ADGRL1: variants seen among roughly 807,000 people sequenced by gnomAD.
ADGRL1 encodes the protein adhesion G protein-coupled receptor L1.
Under a neutral mutation model 148.9 loss-of-function variants are expected in ADGRL1, and 31 were observed. The ratio of observed to expected loss-of-function variants is 0.21; its 90% confidence interval spans 0.16 to 0.28. The LOEUF (loss-of-function observed/expected upper bound fraction) is 0.28. Among genes scored for constraint, ADGRL1 ranks in the 10% least tolerant of loss-of-function variants. The pLI, the probability that ADGRL1 is intolerant of heterozygous loss-of-function variation, is 1.00. For missense variants in ADGRL1, 1,521 were observed against 2,058.8 expected, an observed-to-expected ratio of 0.74 and a Z score of 5.05; for synonymous variants, 937 against 900.3, an observed-to-expected ratio of 1.04 and a Z score of -0.73.
At chr19:14,156,800 C>T (rs2144668252) in intron 15 of ADGRL1, 76 bp from the exon 16 acceptor site, 1 of 1,529,258 alleles carries the variant, frequency 6.5e-7, no homozygotes, top group East Asian at 2.4e-5. Context: ...GCCTAGGACT[C>T]TGCAGGCTGC....
chr19:14,201,294 G>GTTTTTT (rs748016498), intron 1 of ADGRL1, among the ~76,000 whole-genome samples: 3 of 86,234 alleles, frequency 3.5e-5, no homozygotes, highest in South Asian at 3.6e-4. Flanking sequence ...GCTATTCTGA[G>GTTTTTT]TTTTTTTGTT....
chr19:14,163,080 C>G lies in ADGRL1; in HGVS notation c.721G>C (p.Glu241Gln). Residue 241 changes from glutamate (E) to glutamine (Q), a missense_variant, in exon 5 of 23, where the codon GAG becomes CAG. Glu to Gln is a conservative substitution (Grantham distance 29). Coordinates refer to ENST00000361434, the MANE Select transcript of ADGRL1 (RefSeq NM_014921.5). ...TAGTTGGCGGTATTGATGACCGTCT[C>G]CCCGCTCTTGATGCGCGTCCGTAGG... is the stretch of plus-strand genomic sequence containing the variant. Reference protein sequence around the residue: ...YDLRTRIKSGETVINTANYHD... With the variant: ...YDLRTRIKSGQTVINTANYHD... 1 of 1,614,098 alleles carries G rather than the reference C, an allele frequency of 6.2e-7. No homozygotes were observed. Among genetic ancestry groups the G allele is most frequent in the Non-Finnish European group, 8.5e-7 (1 of 1,179,998 alleles).
Position 14,158,339 on chromosome 19 carries a change from T to A in ADGRL1, c.2363A>T (p.Glu788Val). The part of the protein sequence containing the change: ...DPVIFTVAHL[E>V]DKNHFNANCS... ...AGGGAGGGGGACGGCTCAGCTCACCTCCAGGTGGGCCACGGTGAAGATGAC... is the reference window on the plus strand; with the variant it reads ...AGGGAGGGGGACGGCTCAGCTCACCACCAGGTGGGCCACGGTGAAGATGAC... The change falls in exon 12 of 23, where the codon GAG becomes GTG. Residue 788 changes from glutamate (E) to valine (V), a missense_variant and splice_region_variant. Glu to Val is a moderately radical substitution (Grantham distance 121). Around this residue, in one of 8 missense-constraint regions of ADGRL1, gnomAD observed 265 missense variants for 431.9 expected, o/e 0.61. Transcript: ENST00000361434. 6.2e-7 allele frequency: 1 copy of A among 1,613,258 alleles called. No individual in the cohort carries two copies. Among genetic ancestry groups the A allele is most frequent in the Non-Finnish European group, 8.5e-7 (1 of 1,179,940 alleles).
At chr19:14,167,064 A>C in intron 4 of ADGRL1, 9 of 1,575,394 alleles carry the variant, frequency 5.7e-6, no homozygotes, top group African/African-American at 1.4e-5. Context: ...AGAGAAAACA[A>C]ATTGAAAAAA....
intron 1 of ADGRL1, among the ~76,000 whole-genome samples, chr19:14,204,999 TGGCCAGGGATGG>T (rs555268609): frequency 1.3e-5 from 2 of 152,028 alleles, no homozygotes; most frequent in African/African-American, 4.8e-5. Flanking sequence ...AGTGAGGTGT[TGGCCAGGGATGG>T]GGCAGTGTGA....
chr19:14,151,136 C>T lies in ADGRL1; in HGVS notation c.4147G>A (p.Gly1383Arg), dbSNP rs759059027. The change falls in exon 23 of 23, where the codon GGG (glycine) becomes AGG (arginine). Residue 1383 changes from glycine to arginine, a missense_variant. By Grantham distance (125) the Gly-to-Arg change is moderately radical. Around this residue, in one of 8 missense-constraint regions of ADGRL1, gnomAD observed 390 missense variants for 375.0 expected, o/e 1.04. Transcript: ENST00000361434. The stretch of plus-strand genomic sequence containing the variant: ...GAGGGTGAGTCCCGCAGGTTGGCCC[C>T]GCTGGCATAGAGGGAGTCCCGGCCA... ...PPGRDSLYAS[G>R]ANLRDSPSYP... 23 of 1,591,962 alleles carry T rather than the reference C, an allele frequency of 1.4e-5. No homozygotes were observed. Among genetic ancestry groups the T allele is most frequent in the Middle Eastern group, 2.1e-4 (1 of 4,854 alleles).
chr19:14,168,435 C>CGTGTGTGT (rs145434293), intron 4 of ADGRL1, among the ~76,000 whole-genome samples: 1 of 151,874 alleles, frequency 6.6e-6, no homozygotes, highest in Non-Finnish European at 1.5e-5. Flanking sequence ...CATGTCTGCG[C>CGTGTGTGT]GTGTGTGTGT....
rs1380005537 is a variant in ADGRL1, at chr19:14,149,311, AG to A, written c.*1561del. 4 of 152,240 alleles carry A rather than the reference AG, an allele frequency of 2.6e-5. No homozygotes were observed. Among genetic ancestry groups the A allele is most frequent in the African/African-American group, 9.7e-5 (4 of 41,416 alleles). 9.4% of individuals were successfully genotyped at this position (152,240 alleles called of 1,614,324 possible). A position where few individuals can be genotyped will look rare whatever the true frequency, so the allele number is the denominator to read the frequency against. The stretch of plus-strand genomic sequence containing the variant: ...CTTCGTCTTCCCTGCGGGAAGGTGG[AG>A]GATAGGGAAGGTGATCTCTCACCTT... On this transcript the variant is annotated 3_prime_UTR_variant, in exon 23 of 23. Coordinates refer to ENST00000361434, the MANE Select transcript of ADGRL1 (RefSeq NM_014921.5).
rs753499467 is a variant in ADGRL1 at position 14,161,443 on chromosome 19, C to A, written c.1379G>T (p.Arg460Leu). Residue 460 changes from arginine to leucine, a missense_variant, in exon 6 of 23, where the codon CGG becomes CTG. This residue lies in a region of ADGRL1 where 270 missense variants were observed against 320.4 expected (regional missense o/e 0.84). Coordinates refer to ENST00000361434, the MANE Select transcript of ADGRL1 (RefSeq NM_014921.5). The surrounding 1 kb of genome is among the most constrained non-coding windows in gnomAD (Gnocchi z 4.4). The stretch of plus-strand genomic sequence containing the variant: ...GTGTAGATTCGGGGCTGGGGGCCGC[C>A]GGGTGCTGGGGACTGGGGCTGTGGC... Reference protein sequence around the residue: ...PPATAPVPSTRRPPAPNLHVS... With the variant: ...PPATAPVPSTLRPPAPNLHVS... 5 of 1,488,978 alleles carry A rather than the reference C, an allele frequency of 3.4e-6. No homozygotes were observed. The highest frequency in any genetic ancestry group is 1.8e-4 in the Middle Eastern group (1 of 5,572). 92.2% of individuals were successfully genotyped at this position (1,488,978 alleles called of 1,614,324 possible).
chr19:14,157,194 CCTT>C lies in ADGRL1; in HGVS notation c.2746-52_2746-50del, dbSNP rs755716410. The C allele has an allele frequency of 5.6e-6, 9 of 1,613,110 alleles. No homozygotes were observed. Among genetic ancestry groups the C allele is most frequent in the Admixed American group, 1.7e-5 (1 of 60,006 alleles). On this transcript the variant is annotated intron_variant, in intron 14 of 22. Transcript: ENST00000361434. This position sits in a 1 kb window ranked among gnomAD's most constrained non-coding sequence, Gnocchi z 7.5. ...GGGCTGCTGCCTGGACAGGTGTCCC[CCTT>C]CTTCTCCCGGCCCCCAGGCGCTGGC...
At chr19:14,204,902 G>C (rs934681948) in intron 1 of ADGRL1, among the ~76,000 whole-genome samples, 1 of 152,144 alleles carries the variant, frequency 6.6e-6, no homozygotes, top group African/African-American at 2.4e-5. Flanking sequence ...GGCCCTGCCT[G>C]GAACTGGGAT....
chr19:14,173,289 G>A (rs1599460315), intron 3 of ADGRL1, among the ~76,000 whole-genome samples: 1 of 152,098 alleles, frequency 6.6e-6, no homozygotes, highest in East Asian at 1.9e-4. Flanking sequence ...TTTAGACAGG[G>A]TCTTACTCTA....
At chr19:14,176,968 G>T (rs1212161737) in intron 3 of ADGRL1, among the ~76,000 whole-genome samples, 1 of 151,448 alleles carries the variant, frequency 6.6e-6, no homozygotes, top group Non-Finnish European at 1.5e-5. Flanking sequence ...CTCATCTCAT[G>T]CCTGTAATGC....
intron 3 of ADGRL1, among the ~76,000 whole-genome samples, chr19:14,174,410 T>C (rs1015856665): frequency 1.3e-5 from 2 of 151,894 alleles, no homozygotes; most frequent in African/African-American, 2.4e-5. Context: ...GAGGAGGAGA[T>C]GATGAGGTGC....
intron 1 of ADGRL1, among the ~76,000 whole-genome samples, chr19:14,196,271 C>T (rs917944624): frequency 2.0e-5 from 3 of 152,226 alleles, no homozygotes; most frequent in African/African-American, 7.2e-5. Context: ...CTGCTCAGAA[C>T]CCTCCGTGGC....
Position 14,155,258 on chromosome 19 carries a change from G to T in ADGRL1, c.3294+101C>A. On this transcript the variant is annotated intron_variant, in intron 18 of 22. Coordinates refer to ENST00000361434, the MANE Select transcript of ADGRL1 (RefSeq NM_014921.5). This position sits in a 1 kb window ranked among gnomAD's most constrained non-coding sequence, Gnocchi z 5.0. ...GCCCTGCAGCACTCACTGGGGGCTT[G>T]AGGGAGCCCCTGAGTCCCCTCCACC... The T allele has an allele frequency of 7.3e-7, 1 of 1,364,540 alleles. No individual in the cohort carries two copies. The highest frequency in any genetic ancestry group is 1.0e-6 in the Non-Finnish European group (1 of 987,020). 84.5% of individuals were successfully genotyped at this position (1,364,540 alleles called of 1,614,324 possible). A position where few individuals can be genotyped will look rare whatever the true frequency, so the allele number is the denominator to read the frequency against.
chr19:14,186,127 T>C (rs1316878691), intron 1 of ADGRL1, among the ~76,000 whole-genome samples: 2 of 152,150 alleles, frequency 1.3e-5, no homozygotes, highest in Non-Finnish European at 2.9e-5. Context: ...GGTGAAATCA[T>C]GGCTCACTGC....
chr19:14,150,793 C>G lies in ADGRL1; in HGVS notation c.*80G>C. On this transcript the variant is annotated 3_prime_UTR_variant, in exon 23 of 23. Coordinates refer to ENST00000361434, the MANE Select transcript of ADGRL1 (RefSeq NM_014921.5). ...GTGGCCCACCAGCCACTGCCTCCATCTGTCTCCCTCTCCCACCAGAGCCCT... is the reference window on the plus strand; with the variant it reads ...GTGGCCCACCAGCCACTGCCTCCATGTGTCTCCCTCTCCCACCAGAGCCCT... 1 of 1,521,440 alleles carries G rather than the reference C, an allele frequency of 6.6e-7. No individual in the cohort carries two copies. 94.2% of individuals were successfully genotyped at this position (1,521,440 alleles called of 1,614,324 possible).
At chr19:14,180,923 C>A (rs1196902206) in intron 2 of ADGRL1, among the ~76,000 whole-genome samples, 1 of 151,992 alleles carries the variant, frequency 6.6e-6, no homozygotes, top group African/African-American at 2.4e-5. Flanking sequence ...TGGCAGGCAC[C>A]TATAGTCCCA....
Sources: allele counts gnomAD v4.1 joint callset (sites outside exome capture counted in the v4.1 genomes callset), GRCh38; gene constraint gnomAD v4.1.1; regional missense constraint gnomAD v4.1.1; non-coding constraint Gnocchi (gnomAD v3.1); transcripts MANE v1.5; gene names NCBI Gene and HGNC (gene_info 2026-07-23, HGNC 2026-07-21).